Variants in BNC2 observed in about 807,000 individuals in gnomAD.
The protein encoded by BNC2 is basonuclin zinc finger protein 2.
In BNC2, 20 loss-of-function variants were observed where a neutral mutation model predicts 76.3. That is an observed-to-expected ratio of 0.26 (90% CI 0.18 to 0.38). The LOEUF (loss-of-function observed/expected upper bound fraction) is 0.38. Ranked by LOEUF, BNC2 falls within the 10% of genes least tolerant of loss-of-function variation. The pLI is 1.00. For missense variants in BNC2, 1,382 were observed against 1,399.8 expected (o/e 0.99, Z 0.20); for synonymous variants, 582 against 514.8 (o/e 1.13, Z -1.77).
chr9:16,626,956 T>C (rs1035623222), intron 3 of BNC2, among the ~76,000 whole-genome samples: 6 of 152,214 alleles, frequency 3.9e-5, no homozygotes, highest in Non-Finnish European at 8.8e-5. Context: ...AGCACGGGCA[T>C]GTCTCCGTGT....
intron 1 of BNC2, among the ~76,000 whole-genome samples, chr9:16,756,540 G>A (rs978788374): frequency 6.6e-6 from 1 of 152,078 alleles, no homozygotes; most frequent in Non-Finnish European, 1.5e-5. Flanking sequence ...CATTTAAGAG[G>A]ACCCTGTAAG....
At chr9:16,802,261 G>C (rs1817803101) in intron 1 of BNC2, among the ~76,000 whole-genome samples, 1 of 152,166 alleles carries the variant, frequency 6.6e-6, no homozygotes, top group Non-Finnish European at 1.5e-5. Flanking sequence ...GAAACCATTA[G>C]AGGGCTCCTT....
At position 16,659,253 on chromosome 9, in the gene BNC2, C is replaced by T. The variant is rs191375324; in HGVS notation, c.330+68544G>A. On this transcript the variant is annotated intron_variant, in intron 3 of 6. Transcript: ENST00000380672. ...TGTACCGCCATGTAAAAGGGCTCTCCGTTTCATCGTGCCCTTCTGCAATTT... is the reference window on the plus strand; with the variant it reads ...TGTACCGCCATGTAAAAGGGCTCTCTGTTTCATCGTGCCCTTCTGCAATTT... 1.4e-3 allele frequency among the ~76,000 whole-genome samples: 219 copies of T among 152,238 alleles called. 1 individual carries two copies. Among genetic ancestry groups the T allele is most frequent in the African/African-American group, 4.7e-3 (194 of 41,548 alleles).
chr9:16,480,264 T>C (rs1000924731), intron 5 of BNC2, among the ~76,000 whole-genome samples: 3 of 152,198 alleles, frequency 2.0e-5, no homozygotes, highest in East Asian at 1.9e-4. Context: ...ACAGCCTCTC[T>C]AGCAAACAAA....
chr9:16,710,298 G>C (rs1823799393), intron 3 of BNC2, among the ~76,000 whole-genome samples: 1 of 152,148 alleles, frequency 6.6e-6, no homozygotes, highest in South Asian at 2.1e-4. Flanking sequence ...CTTATGCTTT[G>C]CATCTTTCCT....
At chr9:16,702,268 C>CT in intron 3 of BNC2, among the ~76,000 whole-genome samples, 1 of 152,282 alleles carries the variant, frequency 6.6e-6, no homozygotes, top group African/African-American at 2.4e-5. Context: ...ACGCTGGAGT[C>CT]TAACTTGCAA....
At chr9:16,642,255 A>G (rs1587266292) in intron 3 of BNC2, among the ~76,000 whole-genome samples, 1 of 152,310 alleles carries the variant, frequency 6.6e-6, no homozygotes, top group Non-Finnish European at 1.5e-5. Flanking sequence ...GGAGAAAGAA[A>G]ACAGTATCTG....
At position 16,437,171 on chromosome 9, in the gene BNC2, A is replaced by G; in HGVS notation, c.1023T>C (p.Asn341=). 6.2e-7 allele frequency: 1 copy of G among 1,614,180 alleles called. No individual in the cohort carries two copies. Among genetic ancestry groups the G allele is most frequent in the Non-Finnish European group, 8.5e-7 (1 of 1,180,034 alleles). Residue 341 remains asparagine (N), a synonymous_variant, in exon 6 of 7, where the codon AAT becomes AAC. Coordinates refer to ENST00000380672, the MANE Select transcript of BNC2 (RefSeq NM_017637.6). The part of the protein sequence containing the change: ...VSAPLLGLPP[N]GLLLEQPGLR... ...ACCCTGGTTGCTCTAACAGTAGCCC[A>G]TTTGGAGGCAACCCTAGCAGTGGTG...
At chr9:16,497,952 G>C (rs1009760352) in intron 5 of BNC2, among the ~76,000 whole-genome samples, 1 of 147,470 alleles carries the variant, frequency 6.8e-6, no homozygotes, top group Admixed American at 6.9e-5. Flanking sequence ...AATGCCCACC[G>C]ATCAATGAGT....
chr9:16,824,216 T>C (rs573268629), intron 1 of BNC2, among the ~76,000 whole-genome samples: 2 of 152,352 alleles, frequency 1.3e-5, no homozygotes, highest in South Asian at 2.1e-4. Flanking sequence ...ATACTATTTA[T>C]TGACTCTTTT....
intron 1 of BNC2, among the ~76,000 whole-genome samples, chr9:16,820,465 G>A (rs981192091): frequency 4.0e-5 from 6 of 151,632 alleles, no homozygotes; most frequent in Non-Finnish European, 7.4e-5. Flanking sequence ...AGAAGTAAAA[G>A]GTTTTGCCAA....
intron 3 of BNC2, among the ~76,000 whole-genome samples, chr9:16,701,488 C>T (rs1303579522): frequency 6.6e-6 from 1 of 152,088 alleles, no homozygotes; most frequent in Non-Finnish European, 1.5e-5. Flanking sequence ...TAAAAGGTAG[C>T]AATAAAGTTA....
chr9:16,478,051 G>A (rs1288485533), intron 5 of BNC2, among the ~76,000 whole-genome samples: 1 of 152,170 alleles, frequency 6.6e-6, no homozygotes, highest in East Asian at 1.9e-4. Context: ...AAACCCAGCT[G>A]TATCTGGCTC....
chr9:16,674,245 G>T (rs1007016259), intron 3 of BNC2, among the ~76,000 whole-genome samples: 2 of 152,148 alleles, frequency 1.3e-5, no homozygotes, highest in African/African-American at 4.8e-5. Context: ...CCTCTAGAAT[G>T]CTGGTTTACA....
At chr9:16,647,282 A>G (rs1372234326) in intron 3 of BNC2, among the ~76,000 whole-genome samples, 1 of 152,134 alleles carries the variant, frequency 6.6e-6, no homozygotes, top group Non-Finnish European at 1.5e-5. Flanking sequence ...TAGGTTACAT[A>G]ACAAGGATTG....
At chr9:16,707,308 GT>G (rs151333571) in intron 3 of BNC2, among the ~76,000 whole-genome samples, 1 of 152,158 alleles carries the variant, frequency 6.6e-6, no homozygotes, top group African/African-American at 2.4e-5. Context: ...CTAGTGTGAA[GT>G]TACTAGAGTA....
At chr9:16,858,201 T>C (rs980224182) in intron 1 of BNC2, among the ~76,000 whole-genome samples, 7 of 152,226 alleles carry the variant, frequency 4.6e-5, no homozygotes, top group Non-Finnish European at 8.8e-5. Context: ...TTTTGAGGTA[T>C]TTATAAAACC....
intron 5 of BNC2, among the ~76,000 whole-genome samples, chr9:16,498,513 G>A (rs1026485156): frequency 1.3e-5 from 2 of 151,224 alleles, no homozygotes; most frequent in Non-Finnish European, 2.9e-5. Context: ...TGGGGACTTA[G>A]GGGGAAGAGT....
At chr9:16,574,149 C>A (rs958918909) in intron 4 of BNC2, among the ~76,000 whole-genome samples, 2 of 152,104 alleles carry the variant, frequency 1.3e-5, no homozygotes, top group East Asian at 1.9e-4. Context: ...CATTTATAAA[C>A]CCTTCAATTT....
Sources: allele counts gnomAD v4.1 joint callset (sites outside exome capture counted in the v4.1 genomes callset), GRCh38; gene constraint gnomAD v4.1.1; transcripts MANE v1.5; gene names NCBI Gene and HGNC (gene_info 2026-07-23, HGNC 2026-07-21).